The following PCDH15 variants were observed in gnomAD, a reference collection of about 807,000 sequenced individuals.
PCDH15 encodes the protein protocadherin related 15.
A neutral mutation model predicts 178.5 loss-of-function variants in PCDH15; 129 were observed. That is an observed-to-expected ratio of 0.72 (90% CI 0.63 to 0.84). The LOEUF (loss-of-function observed/expected upper bound fraction) is 0.84. Among genes scored for constraint, PCDH15 ranks in the 40% least tolerant of loss-of-function variants. PCDH15 has a pLI of 0.00. For synonymous variants in PCDH15, 800 were observed against 732.0 expected, an observed-to-expected ratio of 1.09 and a Z score of -1.50; for missense variants, 2,230 against 2,099.9, an observed-to-expected ratio of 1.06 and a Z score of -1.21.
At chr10:54,091,516 C>T (rs974192858) in intron 15 of PCDH15, among the ~76,000 whole-genome samples, 6 of 152,186 alleles carry the variant, frequency 3.9e-5, no homozygotes, top group African/African-American at 7.2e-5. Context: ...GCTCACAGAA[C>T]GTCCTTATCA....
intron 2 of PCDH15, among the ~76,000 whole-genome samples, chr10:54,601,565 A>C (rs2092536050): frequency 6.6e-6 from 1 of 152,040 alleles, no homozygotes; most frequent in African/African-American, 2.4e-5. Flanking sequence ...GTTGTGGAGA[A>C]GAGGGCTCAC....
chr10:54,383,070 T>A (rs1373857553), intron 3 of PCDH15, among the ~76,000 whole-genome samples: 1 of 152,068 alleles, frequency 6.6e-6, no homozygotes, highest in Non-Finnish European at 1.5e-5. Context: ...TGAATAACAT[T>A]TTTCATCCTA....
chr10:53,834,460 C>A (rs1347547580), intron 29 of PCDH15, among the ~76,000 whole-genome samples: 1 of 150,254 alleles, frequency 6.7e-6, no homozygotes, highest in Non-Finnish European at 1.5e-5. Context: ...TTTTCCACTG[C>A]TTACTTATCC....
At chr10:54,340,600 G>A (rs1942049690) in intron 6 of PCDH15, among the ~76,000 whole-genome samples, 1 of 152,160 alleles carries the variant, frequency 6.6e-6, no homozygotes, top group South Asian at 2.1e-4. Context: ...GAGTTTTAGA[G>A]TAAGAGTGAG....
chr10:54,988,156 G>A (rs548798660), intron 2 of PCDH15, among the ~76,000 whole-genome samples: 158 of 152,124 alleles, frequency 1.0e-3, no homozygotes, highest in African/African-American at 3.7e-3. Context: ...CAGGTTTGTC[G>A]AAGATCAGAT....
Position 53,995,655 on chromosome 10 carries a change from G to A in PCDH15, c.2862C>T (p.Asp954=). The A allele has an allele frequency of 1.2e-6, 2 of 1,613,902 alleles. No homozygotes were observed. The highest frequency in any genetic ancestry group is 2.2e-5 in the South Asian group (2 of 91,076). The change falls in exon 21 of 38, where the codon GAC becomes GAT. Residue 954 remains aspartate (D), a synonymous_variant. Coordinates refer to ENST00000644397, the MANE Select transcript of PCDH15 (RefSeq NM_001384140.1). The part of the protein sequence containing the change: ...PITTVYAEDA[D]PPGLPASRVR... ...ATCAATGCCTTCTACTTACAGGAGG[G>A]TCTGCATCTTCAGCATAAACTGTTG...
At chr10:54,492,024 T>A (rs2079643273) in intron 3 of PCDH15, among the ~76,000 whole-genome samples, 3 of 152,210 alleles carry the variant, frequency 2.0e-5, no homozygotes, top group Non-Finnish European at 4.4e-5. Context: ...TTGTTATTCA[T>A]ATTTAGTGTT....
chr10:55,357,752 T>C (rs1845116187), intron 2 of PCDH15, among the ~76,000 whole-genome samples: 1 of 152,020 alleles, frequency 6.6e-6, no homozygotes, highest in African/African-American at 2.4e-5. Flanking sequence ...CCTATAGAGA[T>C]TGTAAGAAAA....
intron 1 of PCDH15, among the ~76,000 whole-genome samples, chr10:54,729,479 A>G (rs1469800616): frequency 1.3e-5 from 2 of 151,470 alleles, no homozygotes; most frequent in African/African-American, 2.4e-5. Flanking sequence ...AGAAAATACT[A>G]GACATTGTCC....
At chr10:54,434,012 A>G (rs2075205064) in intron 3 of PCDH15, among the ~76,000 whole-genome samples, 1 of 152,204 alleles carries the variant, frequency 6.6e-6, no homozygotes, top group Non-Finnish European at 1.5e-5. Context: ...ACAGCGATAT[A>G]GATCCACATC....
chr10:53,996,308 CTT>C (rs1491157655), intron 20 of PCDH15, among the ~76,000 whole-genome samples: 4 of 152,112 alleles, frequency 2.6e-5, no homozygotes, highest in Non-Finnish European at 5.9e-5. Context: ...AATAATGACA[CTT>C]AAGATTAGAT....
intron 8 of PCDH15, among the ~76,000 whole-genome samples, chr10:54,241,063 T>C (rs1396241587): frequency 6.6e-6 from 1 of 152,182 alleles, no homozygotes; most frequent in African/African-American, 2.4e-5. Context: ...TTTTGCCAAC[T>C]TATTCTGTTG....
intron 2 of PCDH15, among the ~76,000 whole-genome samples, chr10:54,547,736 C>G (rs1421525523): frequency 6.6e-6 from 1 of 152,004 alleles, no homozygotes; most frequent in African/African-American, 2.4e-5. Context: ...AGACCAGATG[C>G]ATATTCTGGC....
intron 1 of PCDH15, among the ~76,000 whole-genome samples, chr10:55,183,265 G>A (rs1235313517): frequency 2.0e-5 from 3 of 151,642 alleles, no homozygotes; most frequent in Non-Finnish European, 4.4e-5. Context: ...GTGTTTTAAG[G>A]GATAGTAATA....
rs576191585 is a variant in PCDH15, at chr10:55,363,578, G to C, written c.-155-196927C>G. Reference sequence around the variant, plus strand: ...TATCATCATTAGCTATAGTTACCAGGCTGTACAATGAATCCCTTGAACTTA... The same window carrying C: ...TATCATCATTAGCTATAGTTACCAGCCTGTACAATGAATCCCTTGAACTTA... On this transcript the variant is annotated intron_variant, in intron 2 of 5. Transcript: ENST00000613346. 3.3e-5 allele frequency among the ~76,000 whole-genome samples: 5 copies of C among 152,154 alleles called. No individual in the cohort carries two copies. The East Asian group carries it at 9.7e-4, about 29-fold the overall frequency.
intron 1 of PCDH15, among the ~76,000 whole-genome samples, chr10:55,274,849 C>G (rs187629417): frequency 6.6e-6 from 1 of 152,084 alleles, no homozygotes; most frequent in East Asian, 1.9e-4. Flanking sequence ...ATGTGCAGTT[C>G]AAAATAGGGT....
At chr10:53,908,714 TAAAGG>T (rs553265151) in intron 25 of PCDH15, among the ~76,000 whole-genome samples, 7 of 152,204 alleles carry the variant, frequency 4.6e-5, no homozygotes, top group Non-Finnish European at 1.0e-4. Context: ...CCTCAAACCT[TAAAGG>T]AAAGGACTGT....
intron 1 of PCDH15, among the ~76,000 whole-genome samples, chr10:54,745,889 A>G (rs1945392918): frequency 6.6e-6 from 1 of 152,184 alleles, no homozygotes; most frequent in East Asian, 1.9e-4. Flanking sequence ...ATATACTTTT[A>G]TTAGATATTT....
intron 2 of PCDH15, among the ~76,000 whole-genome samples, chr10:55,161,414 C>T (rs186873952): frequency 6.6e-6 from 1 of 152,024 alleles, no homozygotes; most frequent in Non-Finnish European, 1.5e-5. Flanking sequence ...CAGGCCAAAT[C>T]CAGCCCAGTG....
Sources: allele counts gnomAD v4.1 joint callset (sites outside exome capture counted in the v4.1 genomes callset), GRCh38; gene constraint gnomAD v4.1.1; transcripts MANE v1.5; gene names NCBI Gene and HGNC (gene_info 2026-07-23, HGNC 2026-07-21).